KCNIP4: variants seen among roughly 807,000 people sequenced by gnomAD.
KCNIP4 encodes the protein Kv channel-interacting protein 4.
Under a neutral mutation model 34.0 loss-of-function variants are expected in KCNIP4, and 12 were observed. The ratio of observed to expected loss-of-function variants is 0.35; its 90% CI spans 0.23 to 0.57. The LOEUF (loss-of-function observed/expected upper bound fraction) is 0.57, where lower values mean the gene tolerates loss of function less well. KCNIP4 is among the 20% of genes least tolerant of loss of function. The probability of loss-of-function intolerance (pLI) is 0.83; values close to 1 mark genes in which losing one functional copy is unlikely to be tolerated. For synonymous variants in KCNIP4, 124 were observed against 102.2 expected, an observed-to-expected ratio of 1.21 and a Z score of -1.29; for missense variants, 238 against 311.7, an observed-to-expected ratio of 0.76 and a Z score of 1.78.
chr4:20,902,804 A>G (rs1348433807), intron 1 of KCNIP4, among the ~76,000 whole-genome samples: 1 of 152,150 alleles, frequency 6.6e-6, no homozygotes, highest in East Asian at 1.9e-4. Flanking sequence ...ACAAGCGTGA[A>G]CCACTGTGCC....
At chr4:21,922,078 A>G (rs940612376) in intron 1 of KCNIP4, among the ~76,000 whole-genome samples, 1 of 152,164 alleles carries the variant, frequency 6.6e-6, no homozygotes, top group African/African-American at 2.4e-5. Context: ...ATCCCAGTTT[A>G]TTCTGCTTTG....
intron 1 of KCNIP4, among the ~76,000 whole-genome samples, chr4:21,219,651 G>C (rs865901182): frequency 1.3e-5 from 2 of 152,118 alleles, no homozygotes; most frequent in Non-Finnish European, 2.9e-5. Context: ...AAATTGTAAG[G>C]AGACCTCAGA....
At position 21,443,943 on chromosome 4, in the gene KCNIP4, ATCACC is replaced by A. The variant is rs1236960774; in HGVS notation, c.61+504623_61+504627del. Reference sequence around the variant, plus strand: ...CACAATAAAAAATGATAAAGGGGATATCACCACTGATCCCACAGAAATACAAACTA... The same window carrying A: ...CACAATAAAAAATGATAAAGGGGATAACTGATCCCACAGAAATACAAACTA... On this transcript the variant is annotated intron_variant, in intron 1 of 8. Coordinates refer to ENST00000382152, the MANE Select transcript of KCNIP4 (RefSeq NM_025221.6). Among the ~76,000 whole-genome samples, 959 of 152,278 alleles carry A rather than the reference ATCACC, an allele frequency of 6.3e-3. 12 individuals carry two copies. The highest frequency in any genetic ancestry group is 0.022 in the African/African-American group (912 of 41,552).
intron 1 of KCNIP4, among the ~76,000 whole-genome samples, chr4:21,555,631 A>C (rs1738947769): frequency 6.6e-6 from 1 of 152,224 alleles, no homozygotes; most frequent in South Asian, 2.1e-4. Flanking sequence ...AATAGAAAAA[A>C]AATACCTGAA....
intron 1 of KCNIP4, among the ~76,000 whole-genome samples, chr4:21,809,360 C>T (rs1032277329): frequency 2.6e-5 from 4 of 152,156 alleles, no homozygotes; most frequent in Non-Finnish European, 4.4e-5. Flanking sequence ...ACCCCTACCT[C>T]GGTTCTCAGG....
At chr4:20,786,693 A>T (rs1442334209) in intron 3 of KCNIP4, among the ~76,000 whole-genome samples, 1 of 152,128 alleles carries the variant, frequency 6.6e-6, no homozygotes, top group Non-Finnish European at 1.5e-5. Flanking sequence ...TAGAATGTAC[A>T]CTGTGCTTTA....
chr4:21,571,829 T>A lies in KCNIP4; in HGVS notation c.61+376742A>T, dbSNP rs536907738. Among the ~76,000 whole-genome samples the A allele has an allele frequency of 3.3e-5, 5 of 152,232 alleles. No individual in the cohort carries two copies. In the South Asian group the frequency reaches 1.0e-3, roughly 32 times the overall value. Reference sequence around the variant, plus strand: ...AAATGCAAAATGATTTAGAAAAAGGTAAATGATCATAACAATGTTAATAAC... The same window carrying A: ...AAATGCAAAATGATTTAGAAAAAGGAAAATGATCATAACAATGTTAATAAC... On this transcript the variant is annotated intron_variant, in intron 1 of 8. Transcript: ENST00000382152.
chr4:21,106,519 T>C (rs1748552540), intron 1 of KCNIP4, among the ~76,000 whole-genome samples: 1 of 151,380 alleles, frequency 6.6e-6, no homozygotes, highest in Non-Finnish European at 1.5e-5. Flanking sequence ...TAGCAGTCTA[T>C]CAATTTTGTT....
intron 1 of KCNIP4, among the ~76,000 whole-genome samples, chr4:21,325,174 A>G (rs937085805): frequency 6.6e-6 from 1 of 151,862 alleles, no homozygotes; most frequent in Non-Finnish European, 1.5e-5. Context: ...TTTGAGTAGG[A>G]CTGGTGTTAA....
chr4:21,189,726 AAAATTATGACCATAG>A (rs1176418408), intron 1 of KCNIP4, among the ~76,000 whole-genome samples: 1 of 152,242 alleles, frequency 6.6e-6, no homozygotes, highest in African/African-American at 2.4e-5. Context: ...TTGAGAGTGA[AAAATTATGACCATAG>A]AAATTACATT....
intron 1 of KCNIP4, among the ~76,000 whole-genome samples, chr4:21,834,448 C>G (rs79304136): frequency 0.12 from 17,947 of 152,184 alleles, 1,158 homozygotes; most frequent in Middle Eastern, 0.14. Context: ...ATTTTGTATC[C>G]TGAGACTTTG....
chr4:21,348,798 G>A (rs891717151), intron 1 of KCNIP4, among the ~76,000 whole-genome samples: 2 of 152,170 alleles, frequency 1.3e-5, no homozygotes, highest in Admixed American at 6.6e-5. Context: ...TCTGGCCTAT[G>A]CTAGGAGCCA....
chr4:21,289,056 G>A (rs1334435684), intron 1 of KCNIP4, among the ~76,000 whole-genome samples: 1 of 152,216 alleles, frequency 6.6e-6, no homozygotes, highest in Non-Finnish European at 1.5e-5. Flanking sequence ...ATTCAACACA[G>A]TGTGCTTTTA....
At chr4:21,086,819 A>C (rs1056208865) in intron 1 of KCNIP4, among the ~76,000 whole-genome samples, 2 of 152,022 alleles carry the variant, frequency 1.3e-5, no homozygotes, top group Non-Finnish European at 2.9e-5. Context: ...CAATCAAAGA[A>C]TGCTACCTAG....
intron 1 of KCNIP4, among the ~76,000 whole-genome samples, chr4:21,051,292 C>A (rs561122544): frequency 1.3e-5 from 2 of 152,170 alleles, no homozygotes; most frequent in Non-Finnish European, 2.9e-5. Flanking sequence ...GATAGATAAG[C>A]AAGGTAAATG....
chr4:20,766,529 A>T (rs185954418), intron 3 of KCNIP4, among the ~76,000 whole-genome samples: 43 of 152,152 alleles, frequency 2.8e-4, no homozygotes, highest in Non-Finnish European at 5.4e-4. Flanking sequence ...TCACGCCACT[A>T]TACTCCAGCC....
intron 1 of KCNIP4, among the ~76,000 whole-genome samples, chr4:21,758,443 AC>A (rs1324262974): frequency 1.3e-5 from 2 of 152,206 alleles, no homozygotes; most frequent in African/African-American, 4.8e-5. Flanking sequence ...TTCGACCTGC[AC>A]CCTGTGCAGA....
At chr4:20,781,918 A>T (rs191819952) in intron 3 of KCNIP4, among the ~76,000 whole-genome samples, 3 of 152,310 alleles carry the variant, frequency 2.0e-5, no homozygotes, top group African/African-American at 7.2e-5. Context: ...CCTTCTGCCT[A>T]TGAGCCTGTA....
intron 1 of KCNIP4, among the ~76,000 whole-genome samples, chr4:21,118,057 A>T (rs1337351115): frequency 6.6e-6 from 1 of 152,140 alleles, no homozygotes; most frequent in African/African-American, 2.4e-5. Context: ...GGCATGTGGA[A>T]CAAGATGAGT....
Sources: gnomAD v4.1 joint callset for allele counts (sites outside exome capture counted in the v4.1 genomes callset) on GRCh38, gnomAD v4.1.1 for gene constraint, MANE v1.5 for transcripts, NCBI Gene and HGNC (gene_info 2026-07-23, HGNC 2026-07-21) for gene names.